CLCN5: variants seen among roughly 807,000 people sequenced by gnomAD.
The protein encoded by CLCN5 is H(+)/Cl(-) exchange transporter 5.
In CLCN5, 17 loss-of-function variants were observed where a neutral mutation model predicts 54.0. That is an observed-to-expected ratio of 0.31 (90% CI 0.22 to 0.47). The LOEUF (loss-of-function observed/expected upper bound fraction) is 0.47. Ranked by LOEUF, CLCN5 falls within the 20% of genes least tolerant of loss-of-function variation. The probability of loss-of-function intolerance (pLI) is 1.00; values close to 1 mark genes in which losing one functional copy is unlikely to be tolerated. For missense variants in CLCN5, 448 were observed against 646.7 expected, an observed-to-expected ratio of 0.69 and a Z score of 3.33; for synonymous variants, 222 against 233.0, an observed-to-expected ratio of 0.95 and a Z score of 0.43.
chrX:50,062,931 G>A (rs1932884378), intron 4 of CLCN5, among the ~76,000 whole-genome samples: 1 of 109,036 alleles, frequency 9.2e-6, no homozygotes, highest in South Asian at 3.9e-4. Flanking sequence ...CGAAATGAAG[G>A]CAGAAATAAA....
intron 4 of CLCN5, among the ~76,000 whole-genome samples, chrX:50,049,763 A>C (rs2147490947): frequency 9.0e-6 from 1 of 111,573 alleles, no homozygotes; most frequent in South Asian, 3.8e-4. Context: ...AAGTTCTATA[A>C]GTTTTGACAA....
chrX:49,966,661 A>T (rs1208097819), intron 3 of CLCN5, among the ~76,000 whole-genome samples: 2 of 24,985 alleles, frequency 8.0e-5, no homozygotes. Context: ...ACATGTGCAC[A>T]TTGTGCAGGT....
chrX:49,943,932 C>A (rs1355315872), intron 3 of CLCN5, among the ~76,000 whole-genome samples: 1 of 111,435 alleles, frequency 9.0e-6, no homozygotes, highest in Non-Finnish European at 1.9e-5. Flanking sequence ...TTTTCCAATT[C>A]TGTGAAGAAA....
At chrX:50,065,695 A>G (rs1435895770) in intron 4 of CLCN5, among the ~76,000 whole-genome samples, 1 of 104,659 alleles carries the variant, frequency 9.6e-6, no homozygotes, top group Non-Finnish European at 1.9e-5. Context: ...TCATGCTGCT[A>G]TAAAGATACA....
At chrX:50,025,647 C>G (rs1331455078) in intron 3 of CLCN5, among the ~76,000 whole-genome samples, 1 of 110,872 alleles carries the variant, frequency 9.0e-6, no homozygotes, top group Non-Finnish European at 1.9e-5. Flanking sequence ...TCCAGTTTCT[C>G]TCTTACTTAC....
chrX:49,949,963 A>G (rs1440715354), intron 3 of CLCN5, among the ~76,000 whole-genome samples: 1 of 112,299 alleles, frequency 8.9e-6, no homozygotes, highest in Non-Finnish European at 1.9e-5. Context: ...AAGAATATTC[A>G]ATGTTACCAG....
At chrX:49,944,063 A>T (rs782009114) in intron 3 of CLCN5, among the ~76,000 whole-genome samples, 1 of 111,470 alleles carries the variant, frequency 9.0e-6, no homozygotes, top group South Asian at 3.8e-4. Context: ...ATTTGTTTGT[A>T]TCCTCTTTTA....
chrX:50,064,392 A>G (rs1409230597), intron 4 of CLCN5, among the ~76,000 whole-genome samples: 70 of 88,752 alleles, frequency 7.9e-4, no homozygotes, highest in African/African-American at 2.6e-3. Context: ...CCAAATCATG[A>G]GTGAACTCCC....
rs782361600 is a variant in CLCN5, at chrX:50,075,843, TAAAAG to T, written c.467_471del (p.Lys156ArgfsTer10). The T allele has an allele frequency of 8.3e-7, 1 of 1,209,202 alleles. No homozygotes were observed. The highest frequency in any genetic ancestry group is 1.8e-5 in the African/African-American group (1 of 57,132). On this transcript the variant is annotated frameshift_variant, in exon 7 of 15. Transcript: ENST00000376091. LOFTEE classifies it high-confidence loss of function. ...ATCTCTGCTCATTGGATGACAGACT[TAAAAG>T]AAGGTATATGCACAGGGGGATTCTG...
intron 3 of CLCN5, among the ~76,000 whole-genome samples, chrX:49,947,076 C>T (rs1180112977): frequency 4.5e-5 from 5 of 110,934 alleles, no homozygotes; most frequent in Non-Finnish European, 9.4e-5. Flanking sequence ...CCCGTCTTGG[C>T]CTCCCAAAAT....
intron 3 of CLCN5, among the ~76,000 whole-genome samples, chrX:49,970,380 A>G (rs1184155889): frequency 9.0e-6 from 1 of 110,690 alleles, no homozygotes; most frequent in Admixed American, 9.6e-5. Context: ...CATTTCTATC[A>G]CCTCGAAACA....
At chrX:50,061,919 T>A (rs1332999816) in intron 4 of CLCN5, among the ~76,000 whole-genome samples, 1 of 54,745 alleles carries the variant, frequency 1.8e-5, no homozygotes, top group Non-Finnish European at 3.2e-5. Flanking sequence ...GCTTCATAAG[T>A]GAAGGAGAAA....
intron 3 of CLCN5, among the ~76,000 whole-genome samples, chrX:49,963,602 T>C (rs1342356807): frequency 8.9e-6 from 1 of 112,122 alleles, no homozygotes; most frequent in Non-Finnish European, 1.9e-5. Context: ...GAATTTGATT[T>C]CCATCCTTAG....
intron 3 of CLCN5, among the ~76,000 whole-genome samples, chrX:49,964,062 T>C (rs1228896976): frequency 1.8e-5 from 2 of 112,274 alleles, no homozygotes; most frequent in Non-Finnish European, 3.8e-5. Context: ...CAACCATTTA[T>C]TGAGCACCAA....
At chrX:50,074,546 G>A (rs782262791) in intron 6 of CLCN5, among the ~76,000 whole-genome samples, 2 of 112,106 alleles carry the variant, frequency 1.8e-5, no homozygotes, top group African/African-American at 3.2e-5. Context: ...ATTGTGGACC[G>A]GAGTGGCCAA....
At chrX:50,007,269 T>C (rs2076817837) in intron 3 of CLCN5, among the ~76,000 whole-genome samples, 1 of 112,075 alleles carries the variant, frequency 8.9e-6, no homozygotes, top group African/African-American at 3.2e-5. Flanking sequence ...GGCCCACATG[T>C]GGCTGGGTGC....
chrX:49,935,502 G>T (rs782787613), intron 3 of CLCN5, among the ~76,000 whole-genome samples: 1 of 112,153 alleles, frequency 8.9e-6, no homozygotes, highest in South Asian at 3.7e-4. Flanking sequence ...CAGTCTCATG[G>T]GGGAGTTGGA....
At chrX:50,073,711 G>A (rs1933307658) in intron 6 of CLCN5, among the ~76,000 whole-genome samples, 1 of 111,670 alleles carries the variant, frequency 9.0e-6, no homozygotes, top group Non-Finnish European at 1.9e-5. Context: ...GGCAGGGATT[G>A]GCAAACTTCT....
At position 50,083,355 on chromosome X, in the gene CLCN5, T is replaced by C. The variant is rs1322353147; in HGVS notation, c.933+1508T>C. Among the ~76,000 whole-genome samples the C allele has an allele frequency of 3.6e-5, 4 of 111,606 alleles. No individual in the cohort carries two copies. The Admixed American group carries it at 3.8e-4, about 11-fold the overall frequency. ...AGAAGATGGGGAAATATGAGTAGAT[T>C]GTTTAACTACCTGTCATGCAGTAGA... is the stretch of plus-strand genomic sequence containing the variant. On this transcript the variant is annotated intron_variant, in intron 9 of 14. Coordinates refer to ENST00000376091, the MANE Select transcript of CLCN5 (RefSeq NM_001127898.4).
Sources: allele counts gnomAD v4.1 joint callset (sites outside exome capture counted in the v4.1 genomes callset), GRCh38; gene constraint gnomAD v4.1.1; transcripts MANE v1.5; gene names NCBI Gene and HGNC (gene_info 2026-07-23, HGNC 2026-07-21).